SLC26A5: variants seen among roughly 807,000 people sequenced by gnomAD.
SLC26A5 encodes the protein solute carrier family 26 member 5.
Under a neutral mutation model 81.0 loss-of-function variants are expected in SLC26A5, and 51 were observed. That is an observed-to-expected ratio of 0.63 (90% CI 0.50 to 0.80). SLC26A5 has a LOEUF of 0.80. Among genes scored for constraint, SLC26A5 ranks in the 30% least tolerant of loss-of-function variants. SLC26A5 has a pLI of 0.00. For synonymous variants in SLC26A5, 325 were observed against 332.8 expected (o/e 0.98, Z 0.25); for missense variants, 771 against 905.8 (o/e 0.85, Z 1.91).
At chr7:103,442,658 C>A (rs899349172) in intron 2 of SLC26A5, among the ~76,000 whole-genome samples, 1 of 152,180 alleles carries the variant, frequency 6.6e-6, no homozygotes, top group Non-Finnish European at 1.5e-5. Flanking sequence ...CCATAAAACA[C>A]CCTCATTTTA....
chr7:103,406,696 C>T (rs1824082548), intron 8 of SLC26A5, among the ~76,000 whole-genome samples: 1 of 152,290 alleles, frequency 6.6e-6, no homozygotes, highest in East Asian at 1.9e-4. Flanking sequence ...TGCTTTGTCA[C>T]CCAGGCTGGA....
chr7:103,444,660 A>G (rs1223528542), intron 1 of SLC26A5, among the ~76,000 whole-genome samples: 1 of 152,238 alleles, frequency 6.6e-6, no homozygotes, highest in Non-Finnish European at 1.5e-5. Context: ...GTAACTCTGT[A>G]TAGTTTCAGA....
intron 14 of SLC26A5, among the ~76,000 whole-genome samples, chr7:103,386,534 G>C (rs1249821671): frequency 6.6e-6 from 1 of 151,934 alleles, no homozygotes. Context: ...CTGCACTCCA[G>C]CCTGGGTGAC....
intron 4 of SLC26A5, among the ~76,000 whole-genome samples, chr7:103,417,571 T>C (rs901113921): frequency 6.6e-6 from 1 of 152,050 alleles, no homozygotes; most frequent in African/African-American, 2.4e-5. Flanking sequence ...CCGTGGTCTA[T>C]TGCCATGGTT....
intron 5 of SLC26A5, 115 bp from the exon 6 acceptor site, chr7:103,411,701 A>T: frequency 8.6e-7 from 1 of 1,167,880 alleles, no homozygotes; most frequent in Non-Finnish European, 1.3e-6. Context: ...AAGGAAGGCT[A>T]CGCTCCCTTC....
intron 1 of SLC26A5, chr7:103,445,385 C>T (rs1398650101): frequency 1.3e-5 from 2 of 152,210 alleles, no homozygotes; most frequent in Non-Finnish European, 2.9e-5. Context: ...TAAAAATAAA[C>T]ACTGCCGCGA....
chr7:103,445,623 G>A (rs1827243474), intron 1 of SLC26A5: 1 of 152,256 alleles, frequency 6.6e-6, no homozygotes, highest in South Asian at 2.1e-4. Flanking sequence ...CTCCCTGGGA[G>A]CTCCGGGCGG....
intron 8 of SLC26A5, among the ~76,000 whole-genome samples, chr7:103,398,682 T>G (rs543824661): frequency 1.3e-5 from 2 of 152,202 alleles, no homozygotes; most frequent in African/African-American, 4.8e-5. Flanking sequence ...GAGATAGCAA[T>G]TTGCTCCACG....
intron 2 of SLC26A5, among the ~76,000 whole-genome samples, chr7:103,432,153 T>C (rs923937575): frequency 5.9e-5 from 9 of 152,160 alleles, no homozygotes; most frequent in Non-Finnish European, 1.2e-4. Flanking sequence ...TGAGCTCAAG[T>C]GATCCACCCA....
intron 7 of SLC26A5, among the ~76,000 whole-genome samples, chr7:103,409,085 TAG>T (rs1824281795): frequency 6.6e-6 from 1 of 152,274 alleles, no homozygotes; most frequent in Admixed American, 6.5e-5. Flanking sequence ...GTGCCTTTCC[TAG>T]ACCCCTAATC....
downstream of SLC26A5, among the ~76,000 whole-genome samples, chr7:103,370,410 ACAC>A (rs1820965847): frequency 6.6e-6 from 1 of 150,776 alleles, no homozygotes; most frequent in Non-Finnish European, 1.5e-5. Flanking sequence ...ACACACAAAA[ACAC>A]ACCCACCCAC....
intron 2 of SLC26A5, among the ~76,000 whole-genome samples, chr7:103,440,209 A>G (rs1826776261): frequency 6.6e-6 from 1 of 152,214 alleles, no homozygotes; most frequent in Admixed American, 6.5e-5. Flanking sequence ...GGAAGAAAGG[A>G]AGGAAATAAT....
chr7:103,377,697 G>T lies in SLC26A5; in HGVS notation c.1888C>A (p.Gln630Lys). ...TTATCCCCTGGGGGCATAAATCTTT[G>T]CATTTCCTCAGGAAATGTGCTTTTG... The part of the protein sequence containing the change: ...VIKSTFPEEM[Q>K]RFMPPGDNVH... The change falls in exon 18 of 20, where the codon CAA becomes AAA. Residue 630 changes from glutamine (Q) to lysine (K), a missense_variant. Gln to Lys is a moderately conservative substitution (Grantham distance 53). Transcript: ENST00000306312. 3 of 1,613,828 alleles carry T rather than the reference G, an allele frequency of 1.9e-6. No homozygotes were observed. Among genetic ancestry groups the T allele is most frequent in the Admixed American group, 3.3e-5 (2 of 60,020 alleles).
chr7:103,406,463 G>C (rs1246656695), intron 8 of SLC26A5, among the ~76,000 whole-genome samples: 1 of 152,160 alleles, frequency 6.6e-6, no homozygotes, highest in Admixed American at 6.5e-5. Flanking sequence ...CGCTTCCTGG[G>C]TGAAGTGATG....
intron 2 of SLC26A5, among the ~76,000 whole-genome samples, chr7:103,432,117 T>C (rs756644972): frequency 1.3e-5 from 2 of 152,098 alleles, no homozygotes; most frequent in African/African-American, 2.4e-5. Flanking sequence ...GGTATCACCA[T>C]GTTGCCTAGG....
chr7:103,397,094 CA>C (rs35371194), intron 9 of SLC26A5, among the ~76,000 whole-genome samples: 93,623 of 133,998 alleles, frequency 0.7, 33,900 homozygotes, highest in Non-Finnish European at 0.81. Context: ...GACTCGGTCT[CA>C]AAAAAAAAGA....
intron 14 of SLC26A5, among the ~76,000 whole-genome samples, chr7:103,383,754 A>T (rs1821971249): frequency 6.6e-6 from 1 of 152,100 alleles, no homozygotes; most frequent in South Asian, 2.1e-4. Context: ...GGCTCACTGT[A>T]GCCTTGAACT....
At chr7:103,354,210 T>C (rs181774490) in intron 19 of SLC26A5, among the ~76,000 whole-genome samples, 1 of 152,340 alleles carries the variant, frequency 6.6e-6, no homozygotes, top group Non-Finnish European at 1.5e-5. Flanking sequence ...TTATGTATTA[T>C]TTTAATACTA....
intron 4 of SLC26A5, among the ~76,000 whole-genome samples, chr7:103,415,928 A>T (rs1824869525): frequency 6.6e-6 from 1 of 152,078 alleles, no homozygotes; most frequent in Non-Finnish European, 1.5e-5. Context: ...GTATGATGGG[A>T]CATCAGGCTT....
Sources: gnomAD v4.1 joint callset for allele counts (sites outside exome capture counted in the v4.1 genomes callset) on GRCh38, gnomAD v4.1.1 for gene constraint, MANE v1.5 for transcripts, NCBI Gene and HGNC (gene_info 2026-07-23, HGNC 2026-07-21) for gene names.